The following VPS4B variants were observed in gnomAD, a reference collection of about 807,000 sequenced individuals.
VPS4B encodes vacuolar protein sorting-associated protein 4B.
A neutral mutation model predicts 56.1 loss-of-function variants in VPS4B; 23 were observed. That is an observed-to-expected ratio of 0.41 (90% CI 0.30 to 0.58). The LOEUF (loss-of-function observed/expected upper bound fraction) is 0.58, where lower values mean the gene tolerates loss of function less well. VPS4B is among the 20% of genes least tolerant of loss of function. VPS4B has a pLI of 0.29. For missense variants in VPS4B, 372 were observed against 531.9 expected (o/e 0.70, Z 2.96); for synonymous variants, 177 against 186.0 (o/e 0.95, Z 0.39).
chr18:63,410,285 C>T lies in VPS4B; in HGVS notation c.296+5G>A, dbSNP rs779212712. 6.8e-6 allele frequency: 11 copies of T among 1,612,628 alleles called. No individual in the cohort carries two copies. Among genetic ancestry groups the T allele is most frequent in the Admixed American group, 3.4e-5 (2 of 59,478 alleles). ...CAATAAAATTGAACAATTTTAAACACGTACCCCTTCTCATCTGCTGGACTC... is the reference window on the plus strand; with the variant it reads ...CAATAAAATTGAACAATTTTAAACATGTACCCCTTCTCATCTGCTGGACTC... On this transcript the variant is annotated splice_donor_5th_base_variant and intron_variant, in intron 3 of 10. Transcript: ENST00000238497.
intron 4 of VPS4B, among the ~76,000 whole-genome samples, chr18:63,405,682 G>A (rs1334702136): frequency 1.3e-5 from 2 of 152,096 alleles, no homozygotes; most frequent in African/African-American, 2.4e-5. Context: ...TATCGGCCAA[G>A]TGCGGTGGCT....
At chr18:63,400,855 A>G (rs936348705) in intron 5 of VPS4B, 152 bp from the exon 6 acceptor site, 48 of 816,742 alleles carry the variant, frequency 5.9e-5, no homozygotes, top group South Asian at 1.3e-4. Context: ...TGTCTTAAAT[A>G]TATTTTGTTT....
At position 63,414,307 on chromosome 18, in the gene VPS4B, T is replaced by A. The variant is rs533533926; in HGVS notation, c.28-2729A>T. The stretch of plus-strand genomic sequence containing the variant: ...ATCGCTTGAATCCGGGAGACAGAGG[T>A]TGCAGTGAGCCGAGATCATGCCACT... On this transcript the variant is annotated intron_variant, in intron 1 of 10. Transcript: ENST00000238497. Among the ~76,000 whole-genome samples, 10 of 150,192 alleles carry A rather than the reference T, an allele frequency of 6.7e-5. No individual in the cohort carries two copies. In the East Asian group the frequency reaches 2.0e-3, roughly 30 times the overall value.
intron 5 of VPS4B, among the ~76,000 whole-genome samples, chr18:63,402,542 A>C (rs1348931842): frequency 6.6e-6 from 1 of 152,208 alleles, no homozygotes; most frequent in African/African-American, 2.4e-5. Flanking sequence ...ATGTCTCTGT[A>C]TATTTATGCT....
intron 7 of VPS4B, among the ~76,000 whole-genome samples, chr18:63,399,550 T>C (rs189455315): frequency 1.6e-4 from 25 of 152,344 alleles, no homozygotes; most frequent in African/African-American, 5.8e-4. Context: ...TCTCCCAGAT[T>C]GTGGAAAATA....
chr18:63,403,809 G>A lies in VPS4B; in HGVS notation c.382C>T (p.Arg128Ter), dbSNP rs1387781185. The change falls in exon 5 of 11, where the codon CGA (arginine) becomes TGA (stop). Residue 128 changes from arginine to a stop codon, truncating the protein, a stop_gained. Transcript: ENST00000238497. LOFTEE classifies it high-confidence loss of function. ...NQLQGAIVIE[R>*]PNVKWSDVAG... ...ACGTCACTCCATTTCACATTTGGTC[G>A]TTCTATAACAATGGCACCTGCAAAA... is the stretch of plus-strand genomic sequence containing the variant. 1.9e-6 allele frequency: 3 copies of A among 1,608,290 alleles called. No individual in the cohort carries two copies. Among genetic ancestry groups the A allele is most frequent in the African/African-American group, 1.3e-5 (1 of 74,818 alleles).
chr18:63,410,286 G>A lies in VPS4B; in HGVS notation c.296+4C>T, dbSNP rs368687715. 2.9e-5 allele frequency: 47 copies of A among 1,612,558 alleles called. No homozygotes were observed. The highest frequency in any genetic ancestry group is 4.0e-5 in the African/African-American group (3 of 74,680). ...AATAAAATTGAACAATTTTAAACAC[G>A]TACCCCTTCTCATCTGCTGGACTCG... On this transcript the variant is annotated splice_donor_region_variant and intron_variant, in intron 3 of 10. Transcript: ENST00000238497.
At chr18:63,403,865 A>G (rs753527096) in intron 4 of VPS4B, 39 bp from the exon 5 acceptor site, 1 of 1,576,952 alleles carries the variant, frequency 6.3e-7, no homozygotes, top group Non-Finnish European at 8.6e-7. Context: ...AAGAAAGACT[A>G]TTTCACCAAA....
At chr18:63,394,726 A>G (rs1474839682) in intron 9 of VPS4B, among the ~76,000 whole-genome samples, 3 of 152,190 alleles carry the variant, frequency 2.0e-5, no homozygotes, top group Non-Finnish European at 4.4e-5. Flanking sequence ...TGGCCTCCCA[A>G]AGTGCTGGGA....
chr18:63,399,322 C>A lies in VPS4B; in HGVS notation c.792G>T (p.Gly264=), dbSNP rs200888026. ...IKTEFLVQMQ[G]VGVDNDGILV... is the part of the protein sequence containing the mutation. ...AAATTCCATCATTGTCTACACCAAC[C>A]CCTGCATTAAAATAGGTAATGCTTT... Residue 264 remains glycine, a splice_region_variant and synonymous_variant, in exon 8 of 11, where the codon GGG becomes GGT. Transcript: ENST00000238497. 111 of 1,613,340 alleles carry A rather than the reference C, an allele frequency of 6.9e-5. No individual in the cohort carries two copies. The highest frequency in any genetic ancestry group is 1.3e-5 in the African/African-American group (1 of 74,910).
chr18:63,406,544 T>C (rs540126350), intron 4 of VPS4B, among the ~76,000 whole-genome samples: 9 of 152,320 alleles, frequency 5.9e-5, no homozygotes, highest in African/African-American at 1.9e-4. Context: ...ATACTACCAA[T>C]GGGTGAGCAA....
chr18:63,400,229 A>G, intron 6 of VPS4B, 33 bp from the exon 7 acceptor site: 1 of 1,563,280 alleles, frequency 6.4e-7, no homozygotes, highest in Non-Finnish European at 8.6e-7. Flanking sequence ...AAGTCTCTAA[A>G]AAATAGTAAA....
At chr18:63,411,366 T>A in intron 2 of VPS4B, 101 bp downstream of exon 2, 1 of 799,280 alleles carries the variant, frequency 1.3e-6, no homozygotes, top group Non-Finnish European at 1.7e-6. Flanking sequence ...AACAAATGGA[T>A]CGTTTAGAAT....
chr18:63,405,857 G>A (rs1915906108), intron 4 of VPS4B, among the ~76,000 whole-genome samples: 1 of 151,852 alleles, frequency 6.6e-6, no homozygotes, highest in African/African-American at 2.4e-5. Context: ...ATGGTGGTGT[G>A]TGCCTGTGTT....
chr18:63,389,977 T>A lies in VPS4B; in HGVS notation c.*998A>T, dbSNP rs1366227993. 1 of 152,668 alleles carries A rather than the reference T, an allele frequency of 6.6e-6. No homozygotes were observed. The highest frequency in any genetic ancestry group is 1.9e-4 in the East Asian group (1 of 5,204). The allele number at this position is 152,668 out of a possible 1,614,324, so 9.5% of individuals were successfully genotyped here. On this transcript the variant is annotated 3_prime_UTR_variant, in exon 11 of 11. Coordinates refer to ENST00000238497, the MANE Select transcript of VPS4B (RefSeq NM_004869.4). ...CTTTAAGGTAAAGACAATGTCTAAT[T>A]TAGAAAATCTTCCTCTTGAGATTGC...
intron 9 of VPS4B, among the ~76,000 whole-genome samples, chr18:63,395,614 T>G (rs1430269887): frequency 6.6e-6 from 1 of 152,220 alleles, no homozygotes; most frequent in Non-Finnish European, 1.5e-5. Flanking sequence ...TGTGACTTAG[T>G]CATATTAGTC....
At chr18:63,402,721 G>C (rs1483479597) in intron 5 of VPS4B, among the ~76,000 whole-genome samples, 3 of 152,256 alleles carry the variant, frequency 2.0e-5, no homozygotes, top group East Asian at 3.9e-4. Context: ...ATATTTTTGT[G>C]CTTTTATAGG....
intron 7 of VPS4B, among the ~76,000 whole-genome samples, 160 bp downstream of exon 7, chr18:63,399,888 G>A (rs939263078): frequency 2.0e-5 from 3 of 152,098 alleles, no homozygotes; most frequent in African/African-American, 7.2e-5. Flanking sequence ...GCATGGTGGT[G>A]CGCGCCTGTA....
chr18:63,407,895 T>C (rs986137592), intron 3 of VPS4B, among the ~76,000 whole-genome samples: 1 of 152,084 alleles, frequency 6.6e-6, no homozygotes, highest in Admixed American at 6.5e-5. Context: ...CAAGAGGTCA[T>C]ATTAGGAGGA....
Sources: allele counts gnomAD v4.1 joint callset (sites outside exome capture counted in the v4.1 genomes callset), GRCh38; gene constraint gnomAD v4.1.1; transcripts MANE v1.5; gene names NCBI Gene and HGNC (gene_info 2026-07-23, HGNC 2026-07-21).